GSK3B: variants seen among roughly 807,000 people sequenced by gnomAD.
The protein encoded by GSK3B is glycogen synthase kinase-3 beta.
GSK3B carries 15 observed loss-of-function variants against 56.4 expected under a neutral mutation model. The observed-to-expected ratio is 0.27, with a 90% CI of 0.18 to 0.41. The LOEUF (loss-of-function observed/expected upper bound fraction) is 0.41. GSK3B is among the 10% of genes least tolerant of loss of function. The pLI, the probability that GSK3B is intolerant of heterozygous loss-of-function variation, is 1.00. For missense variants in GSK3B, 300 were observed against 513.4 expected, an observed-to-expected ratio of 0.58 and a Z score of 4.02; for synonymous variants, 181 against 188.9, an observed-to-expected ratio of 0.96 and a Z score of 0.34.
At chr3:120,006,484 C>A (rs938490226) in intron 1 of GSK3B, among the ~76,000 whole-genome samples, 1 of 152,204 alleles carries the variant, frequency 6.6e-6, no homozygotes, top group Non-Finnish European at 1.5e-5. Flanking sequence ...CCACATCCCA[C>A]TTATTCTAAA....
At chr3:119,843,206 T>C (rs199531352) in intron 10 of GSK3B, 49 bp downstream of exon 10, 4 of 1,223,484 alleles carry the variant, frequency 3.3e-6, no homozygotes, top group East Asian at 2.6e-5. Context: ...TGAGCCATCA[T>C]GCCCAGCCCA....
chr3:120,020,367 T>C (rs1298260636), intron 1 of GSK3B, among the ~76,000 whole-genome samples: 1 of 152,188 alleles, frequency 6.6e-6, no homozygotes, highest in Non-Finnish European at 1.5e-5. Flanking sequence ...AGAAATTATG[T>C]TTTTTTACAA....
intron 1 of GSK3B, among the ~76,000 whole-genome samples, chr3:120,065,225 T>C (rs1474069127): frequency 6.6e-6 from 1 of 152,020 alleles, no homozygotes; most frequent in East Asian, 1.9e-4. Flanking sequence ...CTGACAAAGG[T>C]GAAGTATCAA....
At chr3:120,015,957 C>G (rs1424199392) in intron 1 of GSK3B, among the ~76,000 whole-genome samples, 1 of 152,122 alleles carries the variant, frequency 6.6e-6, no homozygotes, top group African/African-American at 2.4e-5. Flanking sequence ...TGACAACAAG[C>G]AGCCAAAACA....
intron 7 of GSK3B, among the ~76,000 whole-genome samples, chr3:119,886,194 A>C (rs1576174444): frequency 6.6e-6 from 1 of 152,112 alleles, no homozygotes; most frequent in East Asian, 1.9e-4. Context: ...CAAATCAACA[A>C]GCAAAAAACA....
At chr3:119,846,740 G>C (rs1416447478) in intron 9 of GSK3B, among the ~76,000 whole-genome samples, 1 of 152,140 alleles carries the variant, frequency 6.6e-6, no homozygotes, top group African/African-American at 2.4e-5. Context: ...ATTCCTCAAG[G>C]ATCTAGAATT....
At chr3:119,855,043 T>C (rs2055996992) in intron 9 of GSK3B, among the ~76,000 whole-genome samples, 1 of 152,240 alleles carries the variant, frequency 6.6e-6, no homozygotes, top group African/African-American at 2.4e-5. Context: ...TCCTTCTTTC[T>C]CTTGTGGGCA....
At chr3:120,016,546 G>C (rs1009504495) in intron 1 of GSK3B, among the ~76,000 whole-genome samples, 3 of 152,126 alleles carry the variant, frequency 2.0e-5, no homozygotes, top group African/African-American at 7.2e-5. Flanking sequence ...ATAAATATAA[G>C]AGATGGGTAT....
chr3:120,063,995 TTAAA>T (rs1186996967), intron 1 of GSK3B, among the ~76,000 whole-genome samples: 5 of 151,832 alleles, frequency 3.3e-5, no homozygotes, highest in East Asian at 1.9e-4. Flanking sequence ...TCAAAAAAAA[TTAAA>T]TAAATAATTA....
Position 119,901,088 on chromosome 3 carries a change from G to A in GSK3B, c.813+4667C>T, listed in dbSNP as rs189004628. On this transcript the variant is annotated intron_variant, in intron 7 of 10. Transcript: ENST00000264235. The stretch of plus-strand genomic sequence containing the variant: ...TCCACTGCTATGGCCAACTGCAGAG[G>A]TGCCAAAGGACAATGTTGTATGTCA... Among the ~76,000 whole-genome samples the A allele has an allele frequency of 5.9e-5, 9 of 152,250 alleles. 1 individual carries two copies. In the East Asian group the frequency reaches 1.7e-3, roughly 29 times the overall value.
intron 5 of GSK3B, among the ~76,000 whole-genome samples, chr3:119,914,392 CT>C (rs1302044908): frequency 1.3e-5 from 2 of 152,018 alleles, no homozygotes; most frequent in Admixed American, 1.3e-4. Flanking sequence ...CAGAATAAAG[CT>C]ATTTTATGTC....
At chr3:120,037,131 A>G (rs2058029750) in intron 1 of GSK3B, among the ~76,000 whole-genome samples, 1 of 152,212 alleles carries the variant, frequency 6.6e-6, no homozygotes, top group Admixed American at 6.5e-5. Context: ...CTTATTCACT[A>G]GCAATTACTT....
chr3:120,025,360 A>G (rs1240926507), intron 1 of GSK3B, among the ~76,000 whole-genome samples: 1 of 152,166 alleles, frequency 6.6e-6, no homozygotes, highest in Non-Finnish European at 1.5e-5. Flanking sequence ...TTCTTAGCAG[A>G]ACAAAACATC....
At chr3:120,015,543 G>A (rs1170466000) in intron 1 of GSK3B, among the ~76,000 whole-genome samples, 1 of 150,360 alleles carries the variant, frequency 6.7e-6, no homozygotes, top group Non-Finnish European at 1.5e-5. Context: ...CCAGCTACTC[G>A]GGAGGCTGAG....
At chr3:120,030,203 T>G (rs1559883297) in intron 1 of GSK3B, among the ~76,000 whole-genome samples, 1 of 152,234 alleles carries the variant, frequency 6.6e-6, no homozygotes, top group Non-Finnish European at 1.5e-5. Context: ...CTTCTAAACG[T>G]TGGGGTTCTT....
chr3:119,903,163 G>C (rs1034029009), intron 7 of GSK3B, among the ~76,000 whole-genome samples: 1 of 152,154 alleles, frequency 6.6e-6, no homozygotes, highest in African/African-American at 2.4e-5. Context: ...GCAATGTGTG[G>C]TAACTTCCAG....
chr3:119,852,532 G>A (rs2055950595), intron 9 of GSK3B, among the ~76,000 whole-genome samples: 1 of 151,942 alleles, frequency 6.6e-6, no homozygotes, highest in African/African-American at 2.4e-5. Context: ...ATTTTTAGTA[G>A]AGACGGGTTT....
At chr3:120,060,261 A>G (rs1286670129) in intron 1 of GSK3B, among the ~76,000 whole-genome samples, 4 of 152,238 alleles carry the variant, frequency 2.6e-5, no homozygotes, top group African/African-American at 7.2e-5. Context: ...CAAGGACAAC[A>G]GCTGCCGATT....
At chr3:119,956,697 G>A (rs2057217760) in intron 2 of GSK3B, among the ~76,000 whole-genome samples, 3 of 152,188 alleles carry the variant, frequency 2.0e-5, no homozygotes, top group Admixed American at 1.3e-4. Flanking sequence ...AACCTAGACA[G>A]TGGAGTAACG....
Sources: allele counts gnomAD v4.1 joint callset (sites outside exome capture counted in the v4.1 genomes callset), GRCh38; gene constraint gnomAD v4.1.1; transcripts MANE v1.5; gene names NCBI Gene and HGNC (gene_info 2026-07-23, HGNC 2026-07-21).